PDE11A: variants seen among roughly 807,000 people sequenced by gnomAD.
PDE11A encodes dual 3',5'-cyclic-AMP and -GMP phosphodiesterase 11A.
PDE11A carries 100 observed loss-of-function variants against 100.5 expected under a neutral mutation model. The ratio of observed to expected loss-of-function variants is 1.00; its 90% CI spans 0.85 to 1.18. PDE11A has a LOEUF of 1.18. PDE11A is among the 50% of genes most tolerant of loss of function. The pLI is 0.00. For missense variants in PDE11A, 1,141 were observed against 1,152.6 expected (o/e 0.99, Z 0.15); for synonymous variants, 381 against 420.8 (o/e 0.91, Z 1.16).
At chr2:177,835,614 C>A (rs2083384395) in intron 6 of PDE11A, among the ~76,000 whole-genome samples, 2 of 152,200 alleles carry the variant, frequency 1.3e-5, no homozygotes, top group Non-Finnish European at 1.5e-5. Flanking sequence ...CTGTGGGAGC[C>A]CCTCTCTGGG....
chr2:177,957,910 C>CTTTTTTTTTTTTTTTTTTTTTT lies in PDE11A; in HGVS notation c.1072-52724_1072-52723insAAAAAAAAAAAAAAAAAAAAAA, dbSNP rs748839068. Among the ~76,000 whole-genome samples, 592 of 114,226 alleles carry CTTTTTTTTTTTTTTTTTTTTTT rather than the reference C, an allele frequency of 5.2e-3. 48 individuals are homozygous for CTTTTTTTTTTTTTTTTTTTTTT. Among genetic ancestry groups the CTTTTTTTTTTTTTTTTTTTTTT allele is most frequent in the African/African-American group, 7.1e-3 (176 of 24,670 alleles). 74.9% of individuals were successfully genotyped at this position (114,226 alleles called of 152,430 possible). A position where few individuals can be genotyped will look rare whatever the true frequency, so the allele number is the denominator to read the frequency against. On this transcript the variant is annotated intron_variant, in intron 2 of 19. Coordinates refer to ENST00000286063, the MANE Select transcript of PDE11A (RefSeq NM_016953.4). ...TCCTTTACCTTTGTTTTTCCAATGC[C>CTTTTTTTTTTTTTTTTTTTTTT]TTTTTTTTGAGACGGAGTCTCTTGC... is the stretch of plus-strand genomic sequence containing the variant.
At chr2:177,860,957 A>C (rs1435091504) in intron 5 of PDE11A, among the ~76,000 whole-genome samples, 1 of 151,808 alleles carries the variant, frequency 6.6e-6, no homozygotes, top group South Asian at 2.1e-4. Context: ...ATAAAAGGAC[A>C]CTTAACAAAA....
At chr2:177,744,872 A>C (rs908616701) in intron 10 of PDE11A, among the ~76,000 whole-genome samples, 2 of 152,148 alleles carry the variant, frequency 1.3e-5, no homozygotes, top group Non-Finnish European at 2.9e-5. Flanking sequence ...CTCTTGTTTT[A>C]TTCCTTCTGC....
chr2:178,009,958 A>G lies in PDE11A; in HGVS notation c.1071+4344T>C, dbSNP rs16866002. 7.8e-4 allele frequency among the ~76,000 whole-genome samples: 119 copies of G among 152,336 alleles called. 3 individuals are homozygous for G. The East Asian group carries it at 0.018, about 23-fold the overall frequency. On this transcript the variant is annotated intron_variant, in intron 2 of 19. Transcript: ENST00000286063. The stretch of plus-strand genomic sequence containing the variant: ...AACAAATTCACCACTACTCATGTGA[A>G]TGATGACATGGCAGTTATGTGTATA...
At chr2:178,089,128 T>C (rs577438915) in intron 2 of PDE11A, among the ~76,000 whole-genome samples, 19 of 152,256 alleles carry the variant, frequency 1.2e-4, no homozygotes, top group African/African-American at 4.3e-4. Context: ...TTATAGGAAT[T>C]AGGCCTTCCA....
chr2:177,728,696 A>C (rs940880668), intron 10 of PDE11A, among the ~76,000 whole-genome samples: 2 of 152,152 alleles, frequency 1.3e-5, no homozygotes, highest in African/African-American at 4.8e-5. Context: ...CAGACAGCAC[A>C]TCTCTGGTGG....
chr2:177,791,534 TA>T (rs35728831), intron 9 of PDE11A, among the ~76,000 whole-genome samples: 53,049 of 142,622 alleles, frequency 0.37, 10,595 homozygotes, highest in East Asian at 0.6. Flanking sequence ...ACTTAAAGTA[TA>T]AAAAAAAAAA....
chr2:177,881,341 G>GTCTGTCTA (rs1553485622), intron 4 of PDE11A, among the ~76,000 whole-genome samples: 32 of 147,634 alleles, frequency 2.2e-4, no homozygotes, highest in Admixed American at 7.4e-4. Context: ...TCATCTATCT[G>GTCTGTCTA]TCTATCTATC....
chr2:177,979,087 AAAAAAAAG>A (rs2085845152), intron 2 of PDE11A, among the ~76,000 whole-genome samples: 2 of 141,148 alleles, frequency 1.4e-5, no homozygotes, highest in Non-Finnish European at 1.5e-5. Context: ...TAAAAAAAAA[AAAAAAAAG>A]AAAGAAAATG....
intron 2 of PDE11A, among the ~76,000 whole-genome samples, chr2:177,986,746 G>A (rs1183534225): frequency 5.9e-5 from 9 of 151,370 alleles, no homozygotes; most frequent in East Asian, 5.8e-4. Context: ...CAGGAGAATC[G>A]CTTGAACACG....
At chr2:177,673,846 T>A (rs979612920) in intron 17 of PDE11A, among the ~76,000 whole-genome samples, 1 of 152,176 alleles carries the variant, frequency 6.6e-6, no homozygotes, top group Non-Finnish European at 1.5e-5. Flanking sequence ...TTCTGGCTGA[T>A]GAATTGTTGC....
intron 10 of PDE11A, among the ~76,000 whole-genome samples, chr2:177,744,922 C>T (rs1250403224): frequency 2.6e-5 from 4 of 152,220 alleles, no homozygotes; most frequent in Non-Finnish European, 5.9e-5. Flanking sequence ...TCTACTTCAG[C>T]CTGAATCCTG....
chr2:177,738,722 C>T (rs2081830181), intron 10 of PDE11A, among the ~76,000 whole-genome samples: 1 of 152,212 alleles, frequency 6.6e-6, no homozygotes, highest in African/African-American at 2.4e-5. Flanking sequence ...GAGGGCACAA[C>T]CACTATTCCT....
chr2:177,639,606 A>G (rs1439507738), intron 19 of PDE11A, among the ~76,000 whole-genome samples: 1 of 152,192 alleles, frequency 6.6e-6, no homozygotes, highest in African/African-American at 2.4e-5. Context: ...GGAAATGGAT[A>G]TATTTTCTCT....
chr2:177,840,466 T>C, intron 5 of PDE11A, 83 bp from the exon 6 acceptor site: 1 of 1,175,528 alleles, frequency 8.5e-7, no homozygotes, highest in Non-Finnish European at 1.3e-6. Flanking sequence ...TACACTAATA[T>C]CAGGATAATC....
chr2:177,984,935 T>C (rs1417895462), intron 2 of PDE11A, among the ~76,000 whole-genome samples: 1 of 152,246 alleles, frequency 6.6e-6, no homozygotes, highest in Non-Finnish European at 1.5e-5. Flanking sequence ...CAAAGCTGAC[T>C]GGCTTTATGG....
At chr2:177,960,995 T>C (rs1477012445) in intron 2 of PDE11A, among the ~76,000 whole-genome samples, 3 of 152,330 alleles carry the variant, frequency 2.0e-5, no homozygotes, top group Non-Finnish European at 2.9e-5. Context: ...GAGACTGTCA[T>C]GCTAAGAGAC....
chr2:177,917,003 C>G, intron 2 of PDE11A, among the ~76,000 whole-genome samples: 1 of 141,552 alleles, frequency 7.1e-6, no homozygotes, highest in East Asian at 2.1e-4. Context: ...GTCTTGATCT[C>G]CTGACTTCGT....
At chr2:177,875,981 T>C (rs973003374) in intron 4 of PDE11A, 58 bp from the exon 5 acceptor site, 8 of 955,080 alleles carry the variant, frequency 8.4e-6, no homozygotes, top group African/African-American at 1.6e-5. Context: ...CCGTTTAAAA[T>C]AATGTAATAA....
Sources: gnomAD v4.1 joint callset for allele counts (sites outside exome capture counted in the v4.1 genomes callset) on GRCh38, gnomAD v4.1.1 for gene constraint, MANE v1.5 for transcripts, NCBI Gene and HGNC (gene_info 2026-07-23, HGNC 2026-07-21) for gene names.